The following EPHA5 variants were observed in gnomAD, a reference collection of about 807,000 sequenced individuals.
EPHA5 encodes the protein ephrin type-A receptor 5.
Under a neutral mutation model 105.0 loss-of-function variants are expected in EPHA5, and 60 were observed. The observed-to-expected ratio is 0.57, with a 90% confidence interval of 0.46 to 0.71. EPHA5 has a LOEUF of 0.71. EPHA5 is among the 30% of genes least tolerant of loss of function. EPHA5 has a pLI of 0.00. For missense variants in EPHA5, 1,218 were observed against 1,274.7 expected (o/e 0.96, Z 0.68); for synonymous variants, 513 against 449.1 (o/e 1.14, Z -1.80).
At chr4:65,661,754 G>A (rs1749578043) in intron 1 of EPHA5, among the ~76,000 whole-genome samples, 2 of 152,058 alleles carry the variant, frequency 1.3e-5, no homozygotes, top group Admixed American at 6.6e-5. Context: ...GGTGCCAGCC[G>A]GATCTGCCTA....
At chr4:65,513,134 T>C (rs1251586447) in intron 3 of EPHA5, among the ~76,000 whole-genome samples, 4 of 152,178 alleles carry the variant, frequency 2.6e-5, no homozygotes, top group South Asian at 2.1e-4. Context: ...ATTTATGTCA[T>C]ATGTGTTTGC....
intron 8 of EPHA5, among the ~76,000 whole-genome samples, chr4:65,380,041 A>G (rs1719405807): frequency 1.3e-5 from 2 of 151,796 alleles, no homozygotes; most frequent in South Asian, 4.1e-4. Context: ...AAATATGCAG[A>G]TAAGTACAGG....
At chr4:65,555,768 A>G (rs927213496) in intron 3 of EPHA5, among the ~76,000 whole-genome samples, 1 of 141,530 alleles carries the variant, frequency 7.1e-6, no homozygotes, top group East Asian at 1.9e-4. Context: ...TGCTACAATG[A>G]GATATATACC....
intron 5 of EPHA5, among the ~76,000 whole-genome samples, chr4:65,456,322 AT>A (rs201174135): frequency 0.015 from 2,241 of 147,724 alleles, 56 homozygotes; most frequent in African/African-American, 0.05. Context: ...CTGTTCTTCG[AT>A]TTTTTTTTTT....
At chr4:65,418,191 C>T (rs1723576686) in intron 6 of EPHA5, among the ~76,000 whole-genome samples, 1 of 152,062 alleles carries the variant, frequency 6.6e-6, no homozygotes, top group Non-Finnish European at 1.5e-5. Context: ...ACAATGTTCA[C>T]AACAGAATTC....
intron 3 of EPHA5, among the ~76,000 whole-genome samples, chr4:65,537,346 C>T (rs112619473): frequency 1.1e-4 from 16 of 151,770 alleles, no homozygotes; most frequent in African/African-American, 3.6e-4. Flanking sequence ...TAAAAAATTA[C>T]ACCACATAGA....
chr4:65,392,169 A>C (rs1039972482), intron 8 of EPHA5, among the ~76,000 whole-genome samples: 3 of 152,142 alleles, frequency 2.0e-5, no homozygotes, highest in Non-Finnish European at 4.4e-5. Context: ...TTAATAAATT[A>C]TGATGTGCTC....
rs1750313544 is a variant in EPHA5, at chr4:65,669,842, C to T, written c.-100G>A. On this transcript the variant is annotated 5_prime_UTR_variant, in exon 1 of 17. Coordinates refer to ENST00000613740, the MANE Select transcript of EPHA5 (RefSeq NM_001281766.3). ...GGAGACTCGGGAGTCCTCCTTGTCC[C>T]CCCTTGGGGTCCTACGCCTTCTGGC... 8.1e-6 allele frequency: 10 copies of T among 1,232,164 alleles called. No individual in the cohort carries two copies. Among genetic ancestry groups the T allele is most frequent in the Non-Finnish European group, 1.0e-5 (10 of 988,418 alleles). 76.3% of individuals were successfully genotyped at this position (1,232,164 alleles called of 1,614,324 possible). A position where few individuals can be genotyped will look rare whatever the true frequency, so the allele number is the denominator to read the frequency against.
At chr4:65,413,352 T>G (rs1723091623) in intron 7 of EPHA5, among the ~76,000 whole-genome samples, 1 of 152,136 alleles carries the variant, frequency 6.6e-6, no homozygotes, top group African/African-American at 2.4e-5. Context: ...ATAAAAAATA[T>G]TTTTAAATAA....
At chr4:65,353,168 T>G (rs1444113459) in intron 11 of EPHA5, 65 bp from the exon 12 acceptor site, 19 of 932,060 alleles carry the variant, frequency 2.0e-5, no homozygotes, top group Non-Finnish European at 2.9e-5. Context: ...CTGGCAAAGC[T>G]TACCCAGAAG....
At position 65,503,206 on chromosome 4, in the gene EPHA5, A is replaced by C. The variant is rs143151735; in HGVS notation, c.911-7663T>G. On this transcript the variant is annotated intron_variant, in intron 3 of 16. Coordinates refer to ENST00000613740, the MANE Select transcript of EPHA5 (RefSeq NM_001281766.3). The stretch of plus-strand genomic sequence containing the variant: ...CTGAGTGATGGGATCATGGTATCCC[A>C]AATCTCACCATCACGTAATATATCC... Among the ~76,000 whole-genome samples, 414 of 151,928 alleles carry C rather than the reference A, an allele frequency of 2.7e-3. 1 individual carries two copies. The highest frequency in any genetic ancestry group is 9.7e-3 in the African/African-American group (403 of 41,506).
At chr4:65,605,767 G>A (rs535280200) in intron 2 of EPHA5, among the ~76,000 whole-genome samples, 13 of 151,910 alleles carry the variant, frequency 8.6e-5, no homozygotes, top group African/African-American at 1.2e-4. Flanking sequence ...GTACAAGCCC[G>A]AAGCTCTAGT....
intron 8 of EPHA5, among the ~76,000 whole-genome samples, chr4:65,388,811 T>C (rs1034724991): frequency 6.6e-6 from 1 of 151,482 alleles, no homozygotes; most frequent in Admixed American, 6.6e-5. Flanking sequence ...AGAAGCTCTT[T>C]AGTTTAATTA....
At chr4:65,597,507 A>G (rs1578533428) in intron 3 of EPHA5, among the ~76,000 whole-genome samples, 1 of 151,980 alleles carries the variant, frequency 6.6e-6, no homozygotes, top group East Asian at 1.9e-4. Context: ...AATAGCATGA[A>G]TTTCATCAGA....
At chr4:65,403,979 C>T (rs1293107546) in intron 8 of EPHA5, among the ~76,000 whole-genome samples, 2 of 152,060 alleles carry the variant, frequency 1.3e-5, no homozygotes, top group Non-Finnish European at 2.9e-5. Context: ...AGAATTATTT[C>T]TTATTCCTCA....
rs12642347 is a variant in EPHA5 at position 65,565,887 on chromosome 4, G to A, written c.910+35754C>T. On this transcript the variant is annotated intron_variant, in intron 3 of 16. Transcript: ENST00000613740. Reference sequence around the variant, plus strand: ...TTTATTTCCTATTCTACTTTGAATAGGAAATAAACTTGGAGACTATTTCTA... The same window carrying A: ...TTTATTTCCTATTCTACTTTGAATAAGAAATAAACTTGGAGACTATTTCTA... Among the ~76,000 whole-genome samples, 3 of 151,220 alleles carry A rather than the reference G, an allele frequency of 2.0e-5. No individual in the cohort carries two copies. In the South Asian group the frequency reaches 6.2e-4, roughly 31 times the overall value.
At chr4:65,344,240 T>C (rs1722005758) in intron 14 of EPHA5, among the ~76,000 whole-genome samples, 1 of 152,102 alleles carries the variant, frequency 6.6e-6, no homozygotes. Context: ...CTTCAGCCAT[T>C]TTGCAAATGA....
At chr4:65,409,366 T>TAAATAAATAAATAAAA (rs71205365) in intron 7 of EPHA5, among the ~76,000 whole-genome samples, 28 of 149,554 alleles carry the variant, frequency 1.9e-4, no homozygotes, top group Middle Eastern at 3.5e-3. Flanking sequence ...AATAAATAAA[T>TAAATAAATAAATAAAA]AAATAAAAGA....
At chr4:65,429,249 T>C (rs1724750094) in intron 5 of EPHA5, among the ~76,000 whole-genome samples, 1 of 152,080 alleles carries the variant, frequency 6.6e-6, no homozygotes, top group African/African-American at 2.4e-5. Context: ...TATTCAGTTA[T>C]ACTATATTCA....
Sources: gnomAD v4.1 joint callset for allele counts (sites outside exome capture counted in the v4.1 genomes callset) on GRCh38, gnomAD v4.1.1 for gene constraint, MANE v1.5 for transcripts, NCBI Gene and HGNC (gene_info 2026-07-23, HGNC 2026-07-21) for gene names.